Variants in PCDH10 observed in about 807,000 individuals in gnomAD.
PCDH10 encodes the protein protocadherin 10.
PCDH10 carries 15 observed loss-of-function variants against 74.4 expected under a neutral mutation model. That is an observed-to-expected ratio of 0.20 (90% CI 0.13 to 0.31). The LOEUF (loss-of-function observed/expected upper bound fraction) is 0.31. Among genes scored for constraint, PCDH10 ranks in the 10% least tolerant of loss-of-function variants. The probability of loss-of-function intolerance (pLI) is 1.00; values close to 1 mark genes in which losing one functional copy is unlikely to be tolerated. For synonymous variants in PCDH10, 619 were observed against 589.8 expected, an observed-to-expected ratio of 1.05 and a Z score of -0.72; for missense variants, 1,260 against 1,390.2, an observed-to-expected ratio of 0.91 and a Z score of 1.49.
Position 133,151,636 on chromosome 4 carries a change from C to T in PCDH10, c.1496C>T (p.Ala499Val), listed in dbSNP as rs540438353. ...DRDEGANAQLAYSILECQIQG... is the reference protein window; with the variant it reads ...DRDEGANAQLVYSILECQIQG... Reference sequence around the variant, plus strand: ...GATGAGGGCGCCAACGCCCAGCTTGCCTACTCTATCCTCGAGTGCCAGATC... The same window carrying T: ...GATGAGGGCGCCAACGCCCAGCTTGTCTACTCTATCCTCGAGTGCCAGATC... Residue 499 changes from alanine to valine, a missense_variant, in exon 1 of 5, where the codon GCC (alanine) becomes GTC (valine). Physicochemically the swap from Ala to Val is moderately conservative, Grantham distance 64. Transcript: ENST00000264360. The T allele has an allele frequency of 6.2e-7, 1 of 1,613,744 alleles. No individual in the cohort carries two copies. The highest frequency in any genetic ancestry group is 8.5e-7 in the Non-Finnish European group (1 of 1,180,048).
In PCDH10 at chr4:133,152,065, G is replaced by A; in HGVS notation, c.1925G>A (p.Arg642His). The A allele has an allele frequency of 1.9e-6, 3 of 1,605,470 alleles. No individual in the cohort carries two copies. The highest frequency in any genetic ancestry group is 2.6e-6 in the Non-Finnish European group (3 of 1,176,410). ...DWRTGELRTA[R>H]RVPAKRDPQR... ...CGCACCGGGGAGCTGCGCACAGCACGCCGAGTCCCGGCCAAGCGCGACCCC... is the reference window on the plus strand; with the variant it reads ...CGCACCGGGGAGCTGCGCACAGCACACCGAGTCCCGGCCAAGCGCGACCCC... Residue 642 changes from arginine to histidine, a missense_variant, in exon 1 of 5, where the codon CGC (arginine) becomes CAC (histidine). Physicochemically the swap from Arg to His is conservative, Grantham distance 29. Transcript: ENST00000264360.
rs148933278 is a variant in PCDH10 at position 133,151,609 on chromosome 4, G to A, written c.1469G>A (p.Arg490Gln). ...ATCTACGCGGTGAGCGCCACCGACC[G>A]GGATGAGGGCGCCAACGCCCAGCTT... ...AYIYAVSATD[R>Q]DEGANAQLAY... is the part of the protein sequence containing the mutation. The change falls in exon 1 of 5, where the codon CGG becomes CAG. Residue 490 changes from arginine (R) to glutamine (Q), a missense_variant. Physicochemically the swap from Arg to Gln is conservative, Grantham distance 43 (BLOSUM62 1). Coordinates refer to ENST00000264360, the MANE Select transcript of PCDH10 (RefSeq NM_032961.3). 41 of 1,613,704 alleles carry A rather than the reference G, an allele frequency of 2.5e-5. No individual in the cohort carries two copies. Among genetic ancestry groups the A allele is most frequent in the Non-Finnish European group, 3.5e-5 (41 of 1,180,028 alleles).
intron 3 of PCDH10, among the ~76,000 whole-genome samples, chr4:133,160,481 T>C (rs190922542): frequency 6.6e-6 from 1 of 151,414 alleles, no homozygotes; most frequent in African/African-American, 2.4e-5. Context: ...CTTTACTACA[T>C]AATCTAAGGA....
At chr4:133,163,903 A>G (rs1727026823) in intron 4 of PCDH10, 2 of 442,412 alleles carry the variant, frequency 4.5e-6, no homozygotes, top group South Asian at 3.3e-5. Flanking sequence ...ACAGAGGAAT[A>G]TTTATTTTAG....
rs373075224 is a variant in PCDH10 at position 133,151,235 on chromosome 4, A to G, written c.1095A>G (p.Glu365=). 95 of 1,613,862 alleles carry G rather than the reference A, an allele frequency of 5.9e-5. 1 individual carries two copies. The African/African-American group carries it at 1.1e-3, about 18-fold the overall frequency. Residue 365 remains glutamate, a synonymous_variant, in exon 1 of 5, where the codon GAA becomes GAG. Coordinates refer to ENST00000264360, the MANE Select transcript of PCDH10 (RefSeq NM_032961.3). ...AGATCAGCTTCAGCACCGTGAAGGA[A>G]GCGGTGAGTGAGGGCGCGGCGCCCG... The part of the protein sequence containing the change: ...APEISFSTVK[E]AVSEGAAPGT...
At chr4:133,156,506 C>G (rs1329108795) in intron 3 of PCDH10, among the ~76,000 whole-genome samples, 1 of 152,200 alleles carries the variant, frequency 6.6e-6, no homozygotes, top group African/African-American at 2.4e-5. Context: ...CGTACAAAGT[C>G]CCTTTCATTT....
At chr4:133,198,219 A>G (rs1727832111), downstream of PCDH10, among the ~76,000 whole-genome samples, 1 of 151,932 alleles carries the variant, frequency 6.6e-6, no homozygotes, top group South Asian at 2.1e-4. Flanking sequence ...TTGCGTGAAA[A>G]CCACCCTTAT....
intron 4 of PCDH10, among the ~76,000 whole-genome samples, chr4:133,173,556 C>A (rs1184046349): frequency 1.3e-5 from 2 of 151,928 alleles, no homozygotes; most frequent in African/African-American, 2.4e-5. Flanking sequence ...CCATGAAATG[C>A]CTTTCCTCAT....
At chr4:133,200,272 T>C (rs771280466) in intron 2 of PCDH10, among the ~76,000 whole-genome samples, 5 of 151,996 alleles carry the variant, frequency 3.3e-5, no homozygotes, top group Non-Finnish European at 5.9e-5. Context: ...GTTTTAAAGT[T>C]TTTTTGTATA....
At chr4:133,205,777 A>T (rs1052825681) in intron 2 of PCDH10, among the ~76,000 whole-genome samples, 1 of 151,918 alleles carries the variant, frequency 6.6e-6, no homozygotes, top group Non-Finnish European at 1.5e-5. Flanking sequence ...TATTACTACT[A>T]TTATTATTGT....
At chr4:133,163,548 A>G (rs1453081995) in intron 4 of PCDH10, among the ~76,000 whole-genome samples, 2 of 152,150 alleles carry the variant, frequency 1.3e-5, no homozygotes, top group Non-Finnish European at 2.9e-5. Context: ...CATTGCAAAC[A>G]ATAAAAATGC....
At chr4:133,201,719 G>A (rs1727912922) in intron 2 of PCDH10, among the ~76,000 whole-genome samples, 1 of 152,046 alleles carries the variant, frequency 6.6e-6, no homozygotes, top group Non-Finnish European at 1.5e-5. Context: ...AGCCGGGCAT[G>A]GTGGCTCATG....
chr4:133,198,089 G>T (rs947842923), downstream of PCDH10, among the ~76,000 whole-genome samples: 9 of 151,480 alleles, frequency 5.9e-5, no homozygotes, highest in Non-Finnish European at 1.3e-4. Flanking sequence ...TCTGCATTTT[G>T]ATCCCCTTTA....
Position 133,180,536 on chromosome 4 carries a change from T to C in PCDH10, c.3104-9605T>C, listed in dbSNP as rs555095701. ...GATTTTGCTTTCTTTACGAGAACAT[T>C]ATTATGAGATATGTAGGTAGTTTTG... is the stretch of plus-strand genomic sequence containing the variant. On this transcript the variant is annotated intron_variant, in intron 4 of 4. Transcript: ENST00000264360. Among the ~76,000 whole-genome samples, 3 of 152,158 alleles carry C rather than the reference T, an allele frequency of 2.0e-5. No individual in the cohort carries two copies. In the South Asian group the frequency reaches 6.2e-4, roughly 32 times the overall value.
chr4:133,204,298 C>T (rs558232491), intron 2 of PCDH10, among the ~76,000 whole-genome samples: 5 of 152,136 alleles, frequency 3.3e-5, no homozygotes, highest in African/African-American at 1.2e-4. Flanking sequence ...TCCCATAGTC[C>T]TCCTGGGGGT....
Position 133,151,336 on chromosome 4 carries a change from G to C in PCDH10, c.1196G>C (p.Gly399Ala). ...GGGCAGGTGCAGTGCGAGCTACTGG[G>C]AGACGTGCCTTTCCGCCTCAAGTCT... ...ENGQVQCELL[G>A]DVPFRLKSSF... The change falls in exon 1 of 5, where the codon GGA (glycine) becomes GCA (alanine). Residue 399 changes from glycine (G) to alanine (A), a missense_variant. By Grantham distance (60) the Gly-to-Ala change is moderately conservative. Around this residue, in one of 11 missense-constraint regions of PCDH10, gnomAD observed 112 missense variants for 123.6 expected, o/e 0.91. Transcript: ENST00000264360. 1 of 1,614,168 alleles carries C rather than the reference G, an allele frequency of 6.2e-7. No homozygotes were observed. Among genetic ancestry groups the C allele is most frequent in the Non-Finnish European group, 8.5e-7 (1 of 1,180,028 alleles).
intron 4 of PCDH10, among the ~76,000 whole-genome samples, chr4:133,174,169 G>T (rs1727248865): frequency 6.6e-6 from 1 of 151,862 alleles, no homozygotes; most frequent in African/African-American, 2.4e-5. Context: ...AAATAAAAAT[G>T]AAACACCTAT....
At chr4:133,157,549 A>T (rs1014090653) in intron 3 of PCDH10, among the ~76,000 whole-genome samples, 3 of 152,286 alleles carry the variant, frequency 2.0e-5, no homozygotes, top group East Asian at 1.9e-4. Flanking sequence ...TAATAAGCAA[A>T]TCTCACTTAA....
Position 133,154,979 on chromosome 4 carries a change from AG to A in PCDH10, c.2756del (p.Gly919GlufsTer104). ...GACAGTGGTCATGGAGACAGTGAAC[AG>A]GGAGATAGTGATCATGATGCCACCA... ...SKDSGHGDSE[Q>X]GDSDHDATNR... On this transcript the variant is annotated frameshift_variant, in exon 3 of 5. Transcript: ENST00000264360. LOFTEE classifies it high-confidence loss of function. The A allele has an allele frequency of 6.2e-7, 1 of 1,614,016 alleles. No individual in the cohort carries two copies. The highest frequency in any genetic ancestry group is 8.5e-7 in the Non-Finnish European group (1 of 1,179,842).
Sources: allele counts gnomAD v4.1 joint callset (sites outside exome capture counted in the v4.1 genomes callset), GRCh38; gene constraint gnomAD v4.1.1; regional missense constraint gnomAD v4.1.1; transcripts MANE v1.5; gene names NCBI Gene and HGNC (gene_info 2026-07-23, HGNC 2026-07-21).